TSHZ2: variants seen among roughly 807,000 people sequenced by gnomAD.
TSHZ2 encodes the protein teashirt homolog 2.
In TSHZ2, 21 loss-of-function variants were observed where a neutral mutation model predicts 74.4. The observed-to-expected ratio is 0.28, with a 90% CI of 0.20 to 0.41. TSHZ2 has a LOEUF of 0.41. TSHZ2 is among the 10% of genes least tolerant of loss of function. The pLI, the probability that TSHZ2 is intolerant of heterozygous loss-of-function variation, is 1.00. For synonymous variants in TSHZ2, 540 were observed against 515.3 expected, an observed-to-expected ratio of 1.05 and a Z score of -0.65; for missense variants, 1,244 against 1,293.5, an observed-to-expected ratio of 0.96 and a Z score of 0.59.
chr20:53,040,580 C>T (rs1395835035), intron 1 of TSHZ2, among the ~76,000 whole-genome samples: 1 of 147,164 alleles, frequency 6.8e-6, no homozygotes, highest in Non-Finnish European at 1.5e-5. Context: ...CCCATCATTG[C>T]TGCATCTGTC....
intron 2 of TSHZ2, among the ~76,000 whole-genome samples, chr20:53,340,491 C>G (rs1716972591): frequency 6.6e-6 from 1 of 152,148 alleles, no homozygotes; most frequent in South Asian, 2.1e-4. Flanking sequence ...GCTGCTAAAA[C>G]AAGGTGATTT....
intron 2 of TSHZ2, among the ~76,000 whole-genome samples, chr20:53,428,778 C>T (rs761037537): frequency 2.6e-5 from 4 of 152,136 alleles, no homozygotes; most frequent in Non-Finnish European, 5.9e-5. Flanking sequence ...ATCATGCCCC[C>T]ACAGAGCCGT....
At chr20:53,121,571 A>T (rs2123352166) in intron 1 of TSHZ2, among the ~76,000 whole-genome samples, 1 of 152,270 alleles carries the variant, frequency 6.6e-6, no homozygotes, top group South Asian at 2.1e-4. Context: ...TCCTGTTTTG[A>T]GTTACTATGT....
intron 1 of TSHZ2, chr20:53,097,718 C>G (rs1986093963): frequency 6.4e-6 from 1 of 155,472 alleles, no homozygotes; most frequent in Non-Finnish European, 1.5e-5. Context: ...TTTGGCTGAT[C>G]TGGCTGGCTA....
At chr20:53,272,391 G>A (rs779113361) in intron 2 of TSHZ2, among the ~76,000 whole-genome samples, 1 of 152,160 alleles carries the variant, frequency 6.6e-6, no homozygotes, top group Non-Finnish European at 1.5e-5. Context: ...GAGGGCAGGG[G>A]CTGCATCTGA....
chr20:53,159,012 G>A (rs1415037595), intron 1 of TSHZ2, among the ~76,000 whole-genome samples: 1 of 152,104 alleles, frequency 6.6e-6, no homozygotes, highest in Non-Finnish European at 1.5e-5. Flanking sequence ...CAGAACTGAC[G>A]ACAGATAGAA....
chr20:53,303,801 T>C (rs920838742), intron 2 of TSHZ2, among the ~76,000 whole-genome samples: 2 of 152,202 alleles, frequency 1.3e-5, no homozygotes, highest in Non-Finnish European at 2.9e-5. Flanking sequence ...GGTTCTTGAG[T>C]AGATTAAAAA....
In TSHZ2 at chr20:53,281,435, A is replaced by G. The variant is rs187805947; in HGVS notation, c.*8+24864A>G. Among the ~76,000 whole-genome samples the G allele has an allele frequency of 1.9e-3, 291 of 152,354 alleles. 2 individuals are homozygous for G. Among genetic ancestry groups the G allele is most frequent in the Non-Finnish European group, 2.6e-3 (175 of 68,030 alleles). ...AGATAGTAAATGTCTGAGGCTTTGT[A>G]GGCCATACAGTGTCTACTACAAATC... On this transcript the variant is annotated intron_variant, in intron 2 of 2. Transcript: ENST00000371497.
intron 1 of TSHZ2, among the ~76,000 whole-genome samples, chr20:53,042,811 G>A (rs890995812): frequency 6.6e-6 from 1 of 152,024 alleles, no homozygotes; most frequent in South Asian, 2.1e-4. Context: ...ATTGTTATAA[G>A]TGCATATGTT....
chr20:52,977,419 AATAC>A (rs1169988827), intron 1 of TSHZ2, among the ~76,000 whole-genome samples: 2 of 100,508 alleles, frequency 2.0e-5, no homozygotes, highest in African/African-American at 7.9e-5. Flanking sequence ...TGAATGGAAA[AATAC>A]ACACACACAC....
At chr20:53,467,201 T>C (rs1320005712) in intron 2 of TSHZ2, among the ~76,000 whole-genome samples, 3 of 152,248 alleles carry the variant, frequency 2.0e-5, no homozygotes, top group African/African-American at 7.2e-5. Flanking sequence ...GAAATGCTAT[T>C]TTCTCCTTTT....
At chr20:53,467,293 G>A (rs1049905550) in intron 2 of TSHZ2, among the ~76,000 whole-genome samples, 2 of 152,134 alleles carry the variant, frequency 1.3e-5, no homozygotes, top group Admixed American at 6.5e-5. Context: ...ATGCAGCAAC[G>A]AAAGAGCTTT....
intron 2 of TSHZ2, among the ~76,000 whole-genome samples, chr20:53,356,704 A>G (rs117862309): frequency 1.3e-3 from 191 of 152,250 alleles, no homozygotes; most frequent in Non-Finnish European, 1.4e-3. Flanking sequence ...TCTCAAAAGG[A>G]TCCATAAGTC....
intron 1 of TSHZ2, among the ~76,000 whole-genome samples, chr20:53,091,852 T>G (rs1985894202): frequency 6.6e-6 from 1 of 152,100 alleles, no homozygotes; most frequent in African/African-American, 2.4e-5. Context: ...AAGACTAGCC[T>G]GGGCAACATA....
At chr20:53,264,785 G>A (rs577265085) in intron 2 of TSHZ2, among the ~76,000 whole-genome samples, 1 of 152,294 alleles carries the variant, frequency 6.6e-6, no homozygotes, top group Admixed American at 6.5e-5. Flanking sequence ...GCTCTACAGG[G>A]AGCACTCACT....
chr20:53,158,431 C>A lies in TSHZ2; in HGVS notation c.41-95068C>A, dbSNP rs149008515. On this transcript the variant is annotated intron_variant, in intron 1 of 2. Coordinates refer to ENST00000371497, the MANE Select transcript of TSHZ2 (RefSeq NM_173485.6). The stretch of plus-strand genomic sequence containing the variant: ...GCAGGCAGGCAGGACAGGGCTGTGG[C>A]AGTCGGTAGTGGCTGTGGCTGGGCT... Among the ~76,000 whole-genome samples, 708 of 152,088 alleles carry A rather than the reference C, an allele frequency of 4.7e-3. 2 individuals carry two copies. Among genetic ancestry groups the A allele is most frequent in the African/African-American group, 0.016 (677 of 41,476 alleles).
chr20:53,309,775 T>C (rs968198807), intron 2 of TSHZ2, among the ~76,000 whole-genome samples: 3 of 152,202 alleles, frequency 2.0e-5, no homozygotes, highest in Non-Finnish European at 4.4e-5. Flanking sequence ...TTCAAAGTCA[T>C]TTGAAAGTGG....
chr20:53,321,683 C>CGAAAAAAAAA (rs1979271649), intron 2 of TSHZ2, among the ~76,000 whole-genome samples: 1 of 58,306 alleles, frequency 1.7e-5, no homozygotes. Flanking sequence ...GACTCCATCT[C>CGAAAAAAAAA]AAAAAAAAAA....
intron 1 of TSHZ2, among the ~76,000 whole-genome samples, chr20:53,054,915 T>C (rs1036621539): frequency 6.6e-6 from 1 of 152,190 alleles, no homozygotes; most frequent in Admixed American, 6.5e-5. Flanking sequence ...GAGGTGTTTT[T>C]GCTTAGTTCC....
Sources: gnomAD v4.1 joint callset for allele counts (sites outside exome capture counted in the v4.1 genomes callset) on GRCh38, gnomAD v4.1.1 for gene constraint, MANE v1.5 for transcripts, NCBI Gene and HGNC (gene_info 2026-07-23, HGNC 2026-07-21) for gene names.